SLC16A10: variants seen among roughly 807,000 people sequenced by gnomAD.
SLC16A10 encodes monocarboxylate transporter 10.
In SLC16A10, 27 loss-of-function variants were observed where a neutral mutation model predicts 40.0. The ratio of observed to expected loss-of-function variants is 0.67; its 90% CI spans 0.50 to 0.93. The LOEUF is 0.93. Ranked by LOEUF, SLC16A10 falls within the 40% of genes least tolerant of loss-of-function variation. The pLI, the probability that SLC16A10 is intolerant of heterozygous loss-of-function variation, is 0.00. For missense variants in SLC16A10, 529 were observed against 658.2 expected (o/e 0.80, Z 2.15); for synonymous variants, 213 against 249.8 (o/e 0.85, Z 1.39).
chr6:111,112,023 T>C (rs1771396094), intron 1 of SLC16A10, among the ~76,000 whole-genome samples: 1 of 152,032 alleles, frequency 6.6e-6, no homozygotes, highest in Non-Finnish European at 1.5e-5. Context: ...GATATAGATA[T>C]AGATATAGAT....
chr6:111,098,700 G>GT (rs1187075767), intron 1 of SLC16A10, among the ~76,000 whole-genome samples: 1 of 152,078 alleles, frequency 6.6e-6, no homozygotes, highest in Non-Finnish European at 1.5e-5. Flanking sequence ...CTTTTTATTA[G>GT]TTTTGACTTT....
At chr6:111,186,958 A>T (rs528872113) in intron 3 of SLC16A10, among the ~76,000 whole-genome samples, 5 of 152,320 alleles carry the variant, frequency 3.3e-5, no homozygotes, top group African/African-American at 1.2e-4. Flanking sequence ...TATCTCTGTT[A>T]TGCAATCCCT....
intron 1 of SLC16A10, among the ~76,000 whole-genome samples, chr6:111,157,342 G>A (rs367881551): frequency 3.8e-4 from 58 of 151,820 alleles, no homozygotes; most frequent in African/African-American, 1.3e-3. Context: ...GGAGTGCAAT[G>A]GCATGATCTT....
At chr6:111,148,901 A>T (rs1180939536) in intron 1 of SLC16A10, among the ~76,000 whole-genome samples, 1 of 152,188 alleles carries the variant, frequency 6.6e-6, no homozygotes, top group South Asian at 2.1e-4. Flanking sequence ...TGAGGTCAGG[A>T]GTTCCAGACC....
In SLC16A10 at chr6:111,223,033, T is replaced by C. The variant is rs1302091432; in HGVS notation, c.*798T>C. On this transcript the variant is annotated 3_prime_UTR_variant, in exon 6 of 6. Coordinates refer to ENST00000368851, the MANE Select transcript of SLC16A10 (RefSeq NM_018593.5). ...TGCATGAAAGATATTCTGGCGATTG[T>C]AACTTAGAATTTTTCTGACTTCTGG... The C allele has an allele frequency of 6.6e-6, 1 of 152,224 alleles. No homozygotes were observed. The highest frequency in any genetic ancestry group is 2.4e-5 in the African/African-American group (1 of 41,460). The allele number at this position is 152,224 out of a possible 1,614,324, so 9.4% of individuals were successfully genotyped here. A position where few individuals can be genotyped will look rare whatever the true frequency, so the allele number is the denominator to read the frequency against.
At chr6:111,221,316 T>C (rs1770889855) in intron 5 of SLC16A10, among the ~76,000 whole-genome samples, 1 of 152,232 alleles carries the variant, frequency 6.6e-6, no homozygotes, top group South Asian at 2.1e-4. Context: ...CAGGTACTTA[T>C]AAACCTTAGT....
intron 1 of SLC16A10, among the ~76,000 whole-genome samples, chr6:111,097,668 T>A (rs1422040853): frequency 6.6e-6 from 1 of 152,186 alleles, no homozygotes; most frequent in Non-Finnish European, 1.5e-5. Context: ...TCTTGTTCTT[T>A]AAATACAGAA....
chr6:111,106,107 A>G (rs374436795), intron 1 of SLC16A10, among the ~76,000 whole-genome samples: 1 of 152,190 alleles, frequency 6.6e-6, no homozygotes, highest in African/African-American at 2.4e-5. Flanking sequence ...ACTAGTAAAT[A>G]TGTTTTCTGA....
intron 1 of SLC16A10, among the ~76,000 whole-genome samples, chr6:111,133,707 T>C (rs1771826405): frequency 6.6e-6 from 1 of 152,138 alleles, no homozygotes; most frequent in African/African-American, 2.4e-5. Flanking sequence ...CTCCCTAACC[T>C]GATGTCCCCC....
chr6:111,119,261 C>G (rs1024629051), intron 1 of SLC16A10, among the ~76,000 whole-genome samples: 25 of 152,120 alleles, frequency 1.6e-4, no homozygotes, highest in Non-Finnish European at 2.8e-4. Flanking sequence ...TCATTTTAAT[C>G]CTCTGTAGCA....
At chr6:111,162,916 A>C (rs1583336852) in intron 1 of SLC16A10, among the ~76,000 whole-genome samples, 1 of 152,144 alleles carries the variant, frequency 6.6e-6, no homozygotes, top group East Asian at 1.9e-4. Context: ...GCTCTTCATG[A>C]GTCCTGTACA....
At chr6:111,145,268 G>A (rs1005560910) in intron 1 of SLC16A10, among the ~76,000 whole-genome samples, 2 of 152,176 alleles carry the variant, frequency 1.3e-5, no homozygotes, top group South Asian at 4.2e-4. Flanking sequence ...ACTGGGCATG[G>A]TGGTGGCCTG....
At chr6:111,190,003 A>G (rs1181844921) in intron 3 of SLC16A10, among the ~76,000 whole-genome samples, 3 of 152,220 alleles carry the variant, frequency 2.0e-5, no homozygotes, top group Non-Finnish European at 4.4e-5. Context: ...AAAAGTCCAC[A>G]GTCCAAAGTC....
chr6:111,102,898 G>A (rs1019744251), intron 1 of SLC16A10, among the ~76,000 whole-genome samples: 3 of 152,034 alleles, frequency 2.0e-5, no homozygotes, highest in African/African-American at 4.8e-5. Flanking sequence ...TTGTTTGCAT[G>A]TATTTATTTA....
At chr6:111,200,840 A>G (rs1197502753) in intron 3 of SLC16A10, among the ~76,000 whole-genome samples, 1 of 152,122 alleles carries the variant, frequency 6.6e-6, no homozygotes, top group Non-Finnish European at 1.5e-5. Context: ...TAGCTTTTCA[A>G]ATGTTGGATG....
intron 1 of SLC16A10, among the ~76,000 whole-genome samples, chr6:111,142,577 C>G (rs955966999): frequency 6.6e-6 from 1 of 152,140 alleles, no homozygotes; most frequent in Admixed American, 6.5e-5. Flanking sequence ...TAATAGATAT[C>G]TCATCAAAGA....
chr6:111,219,086 T>G (rs756782787), intron 5 of SLC16A10, 44 bp downstream of exon 5: 1 of 1,532,662 alleles, frequency 6.5e-7, no homozygotes, highest in South Asian at 1.1e-5. Context: ...TTCATAGTAT[T>G]TTCTACTTCA....
chr6:111,172,924 G>A, intron 2 of SLC16A10, 85 bp downstream of exon 2: 2 of 1,482,530 alleles, frequency 1.3e-6, no homozygotes, highest in South Asian at 1.3e-5. Flanking sequence ...CTATTTACAA[G>A]CAAAGATCCT....
intron 2 of SLC16A10, 36 bp downstream of exon 2, chr6:111,172,875 A>T: frequency 6.3e-7 from 1 of 1,600,000 alleles, no homozygotes; most frequent in Non-Finnish European, 8.5e-7. Context: ...CTTTTTAAAA[A>T]CTGTTAGATA....
Sources: gnomAD v4.1 joint callset for allele counts (sites outside exome capture counted in the v4.1 genomes callset) on GRCh38, gnomAD v4.1.1 for gene constraint, MANE v1.5 for transcripts, NCBI Gene and HGNC (gene_info 2026-07-23, HGNC 2026-07-21) for gene names.